TNRC6C: variants seen among roughly 807,000 people sequenced by gnomAD.
TNRC6C encodes trinucleotide repeat containing adaptor 6C, also known as trinucleotide repeat-containing gene 6C protein.
A neutral mutation model predicts 153.7 loss-of-function variants in TNRC6C; 20 were observed. That is an observed-to-expected ratio of 0.13 (90% CI 0.09 to 0.19). The LOEUF (loss-of-function observed/expected upper bound fraction) is 0.19, where lower values mean the gene tolerates loss of function less well. Among genes scored for constraint, TNRC6C ranks in the 10% least tolerant of loss-of-function variants. TNRC6C has a pLI of 1.00. For synonymous variants in TNRC6C, 811 were observed against 841.4 expected (o/e 0.96, Z 0.63); for missense variants, 1,987 against 2,172.0 (o/e 0.91, Z 1.69).
rs551472196 is a variant in TNRC6C, at chr17:78,090,110, C to T, written c.3803-1330C>T. On this transcript the variant is annotated intron_variant, in intron 13 of 19. Coordinates refer to ENST00000301624, the Ensembl canonical transcript of TNRC6C. The stretch of plus-strand genomic sequence containing the variant: ...TGTGGCACTGATGGGCTTGCAAAGG[C>T]GTTTTGTTAGGTCTGCGAAGTGTGT... Among the ~76,000 whole-genome samples, 8 of 152,258 alleles carry T rather than the reference C, an allele frequency of 5.3e-5. No homozygotes were observed. In the East Asian group the frequency reaches 9.7e-4, roughly 18 times the overall value.
At chr17:78,060,631 A>G (rs896292745) in intron 3 of TNRC6C, among the ~76,000 whole-genome samples, 8 of 151,980 alleles carry the variant, frequency 5.3e-5, no homozygotes, top group Admixed American at 2.0e-4. Flanking sequence ...GTGTGCCACC[A>G]TGTTGGCTAG....
intron 2 of TNRC6C, among the ~76,000 whole-genome samples, chr17:78,032,423 GTC>G (rs985943538): frequency 6.6e-6 from 1 of 152,192 alleles, no homozygotes; most frequent in African/African-American, 2.4e-5. Context: ...AAATGCAGAT[GTC>G]TCTCATTTCC....
intron 1 of TNRC6C, among the ~76,000 whole-genome samples, chr17:77,973,353 G>A: frequency 6.6e-6 from 1 of 152,148 alleles, no homozygotes; most frequent in Non-Finnish European, 1.5e-5. Flanking sequence ...TTGATAAAAA[G>A]CACATATATG....
At chr17:77,992,949 A>G (rs2071274271) in intron 1 of TNRC6C, among the ~76,000 whole-genome samples, 1 of 152,068 alleles carries the variant, frequency 6.6e-6, no homozygotes, top group African/African-American at 2.4e-5. Context: ...TGGAGGAGGT[A>G]AACTCTACAC....
chr17:78,010,765 A>G (rs1434189480), intron 1 of TNRC6C, among the ~76,000 whole-genome samples: 5 of 152,184 alleles, frequency 3.3e-5, no homozygotes, highest in Non-Finnish European at 5.9e-5. Flanking sequence ...GTTAAATTCC[A>G]GGGGGAAATA....
At chr17:78,061,346 A>T (rs1042947696) in intron 3 of TNRC6C, among the ~76,000 whole-genome samples, 1 of 152,210 alleles carries the variant, frequency 6.6e-6, no homozygotes, top group African/African-American at 2.4e-5. Flanking sequence ...TTTTAATTCT[A>T]TGTACTTAAA....
chr17:78,058,733 A>G (rs1440525068), intron 3 of TNRC6C, among the ~76,000 whole-genome samples: 1 of 152,262 alleles, frequency 6.6e-6, no homozygotes, highest in Non-Finnish European at 1.5e-5. Flanking sequence ...GCCTATTTGC[A>G]GCTCTTCAGA....
At chr17:78,097,889 G>T (rs1399984306) in intron 16 of TNRC6C, 28 bp downstream of exon 19, 8 of 1,473,772 alleles carry the variant, frequency 5.4e-6, no homozygotes, top group Non-Finnish European at 7.3e-6. Flanking sequence ...AGACTTGCAG[G>T]TAGCATTTTC....
intron 1 of TNRC6C, among the ~76,000 whole-genome samples, chr17:77,995,159 CCA>C (rs1285242724): frequency 6.6e-6 from 1 of 152,212 alleles, no homozygotes; most frequent in Non-Finnish European, 1.5e-5. Flanking sequence ...ACCCCTGCCC[CCA>C]GCCTGAGGTG....
intron 1 of TNRC6C, among the ~76,000 whole-genome samples, chr17:77,981,490 GATTTTAGGAATT>G (rs1490386119): frequency 8.5e-5 from 13 of 152,300 alleles, no homozygotes; most frequent in African/African-American, 2.9e-4. Flanking sequence ...AGTTTGGAAG[GATTTTAGGAATT>G]ATATGCCAGG....
intron 9 of TNRC6C, among the ~76,000 whole-genome samples, chr17:78,078,782 T>C (rs1474131535): frequency 6.6e-6 from 1 of 151,946 alleles, no homozygotes; most frequent in Non-Finnish European, 1.5e-5. Flanking sequence ...CAGGACAACA[T>C]GGCAAAACCC....
At chr17:77,993,524 T>C (rs539371937) in intron 1 of TNRC6C, among the ~76,000 whole-genome samples, 1 of 152,346 alleles carries the variant, frequency 6.6e-6, no homozygotes, top group East Asian at 1.9e-4. Flanking sequence ...TATGGGACTA[T>C]GCAGCTCACA....
intron 3 of TNRC6C, among the ~76,000 whole-genome samples, chr17:78,053,990 G>A (rs1396793551): frequency 6.6e-6 from 1 of 152,188 alleles, no homozygotes; most frequent in Non-Finnish European, 1.5e-5. Flanking sequence ...ACATTATAAA[G>A]TATAGTTACA....
upstream of TNRC6C, among the ~76,000 whole-genome samples, chr17:77,957,912 C>T (rs2070820860): frequency 6.6e-6 from 1 of 152,204 alleles, no homozygotes; most frequent in Non-Finnish European, 1.5e-5. Flanking sequence ...GGACCGAAGG[C>T]TTGCGCGGTG....
upstream of TNRC6C, chr17:78,004,010 A>C (rs2071455292): frequency 1.5e-6 from 1 of 673,768 alleles, no homozygotes; most frequent in Non-Finnish European, 1.8e-6. Flanking sequence ...GGCAACCTGC[A>C]GTGCTGTTAG....
At chr17:78,005,036 C>G, upstream of TNRC6C, 1 of 1,207,416 alleles carries the variant, frequency 8.3e-7, no homozygotes, top group Non-Finnish European at 1.0e-6. Flanking sequence ...TTCTTTCTTT[C>G]TCTCTCTTTT....
intron 2 of TNRC6C, among the ~76,000 whole-genome samples, chr17:78,035,174 T>C (rs2072155526): frequency 6.6e-6 from 1 of 152,160 alleles, no homozygotes; most frequent in African/African-American, 2.4e-5. Context: ...ATTTTGTCAG[T>C]GGAAGGACTT....
intron 3 of TNRC6C, among the ~76,000 whole-genome samples, chr17:78,059,685 C>CA (rs978789770): frequency 2.0e-5 from 3 of 151,842 alleles, no homozygotes; most frequent in South Asian, 2.1e-4. Flanking sequence ...CACGTCTCTA[C>CA]AAAAAATACA....
chr17:77,989,842 C>CT (rs1298014329), intron 1 of TNRC6C, among the ~76,000 whole-genome samples: 1 of 152,180 alleles, frequency 6.6e-6, no homozygotes, highest in African/African-American at 2.4e-5. Context: ...CTCAGGCCCT[C>CT]TTTCCTGTTT....
Sources: allele counts gnomAD v4.1 joint callset (sites outside exome capture counted in the v4.1 genomes callset), GRCh38; gene constraint gnomAD v4.1.1; transcripts MANE v1.5; gene names NCBI Gene and HGNC (gene_info 2026-07-23, HGNC 2026-07-21).